The following LRCH1 variants were observed in gnomAD, a reference collection of about 807,000 sequenced individuals.
The protein encoded by LRCH1 is leucine-rich repeat and calponin homology domain-containing protein 1.
LRCH1 carries 23 observed loss-of-function variants against 94.9 expected under a neutral mutation model. The ratio of observed to expected loss-of-function variants is 0.24; its 90% CI spans 0.17 to 0.34. The LOEUF (loss-of-function observed/expected upper bound fraction) is 0.34, where lower values mean the gene tolerates loss of function less well. LRCH1 is among the 10% of genes least tolerant of loss of function. The probability of loss-of-function intolerance (pLI) is 1.00; values close to 1 mark genes in which losing one functional copy is unlikely to be tolerated. For synonymous variants in LRCH1, 364 were observed against 354.9 expected, an observed-to-expected ratio of 1.03 and a Z score of -0.29; for missense variants, 790 against 945.9, an observed-to-expected ratio of 0.84 and a Z score of 2.16.
intron 4 of LRCH1, among the ~76,000 whole-genome samples, chr13:46,682,708 G>A (rs1482723992): frequency 1.3e-5 from 2 of 152,134 alleles, no homozygotes; most frequent in Non-Finnish European, 2.9e-5. Flanking sequence ...GGTGGTCTTG[G>A]TAAGTTTCAC....
intron 3 of LRCH1, among the ~76,000 whole-genome samples, chr13:46,680,384 G>C (rs2051735066): frequency 6.6e-6 from 1 of 152,140 alleles, no homozygotes; most frequent in Non-Finnish European, 1.5e-5. Context: ...GGTTTAAAGG[G>C]GAATGTAAAC....
intron 8 of LRCH1, among the ~76,000 whole-genome samples, chr13:46,693,871 A>G (rs1871038634): frequency 6.6e-6 from 1 of 152,204 alleles, no homozygotes; most frequent in Non-Finnish European, 1.5e-5. Context: ...AACTGGATTA[A>G]TATACAGATC....
chr13:46,681,713 A>T, intron 3 of LRCH1, 28 bp from the exon 4 acceptor site: 1 of 1,464,880 alleles, frequency 6.8e-7, no homozygotes, highest in Non-Finnish European at 9.6e-7. Context: ...AAAGATGTTT[A>T]TTATTTCTCT....
chr13:46,710,514 A>G (rs908690140), intron 13 of LRCH1, among the ~76,000 whole-genome samples: 8 of 152,236 alleles, frequency 5.3e-5, no homozygotes. Context: ...CATGGCTCAT[A>G]CATAAATATC....
intron 16 of LRCH1, among the ~76,000 whole-genome samples, chr13:46,721,411 A>C (rs1379975002): frequency 1.3e-5 from 2 of 152,146 alleles, no homozygotes; most frequent in Non-Finnish European, 2.9e-5. Flanking sequence ...TTGGTGGTGC[A>C]AATTAGTTCT....
chr13:46,572,642 A>G (rs2050253372), intron 1 of LRCH1, among the ~76,000 whole-genome samples: 2 of 152,182 alleles, frequency 1.3e-5, no homozygotes, highest in Non-Finnish European at 1.5e-5. Flanking sequence ...GTGGAGTCAT[A>G]TGGAAGATAG....
rs7318773 is a variant in LRCH1, at chr13:46,634,812, G to C, written c.308-15389G>C. On this transcript the variant is annotated intron_variant, in intron 1 of 19. Coordinates refer to ENST00000389797, the MANE Select transcript of LRCH1 (RefSeq NM_001164211.2). ...ATTGATAGCAGACATCTATAAATGAGTGAGTAAGTGAGCCAACGTGTGGGT... is the reference window on the plus strand; with the variant it reads ...ATTGATAGCAGACATCTATAAATGACTGAGTAAGTGAGCCAACGTGTGGGT... Among the ~76,000 whole-genome samples, 3 of 151,948 alleles carry C rather than the reference G, an allele frequency of 2.0e-5. No individual in the cohort carries two copies. In the South Asian group the frequency reaches 6.2e-4, roughly 32 times the overall value.
intron 1 of LRCH1, among the ~76,000 whole-genome samples, chr13:46,647,811 T>C (rs1218680968): frequency 2.4e-5 from 3 of 126,496 alleles, no homozygotes; most frequent in Non-Finnish European, 5.1e-5. Context: ...TTTTTTTTTT[T>C]CGTTGTAAAT....
chr13:46,705,181 T>A, intron 12 of LRCH1, 24 bp downstream of exon 12: 1 of 1,593,612 alleles, frequency 6.3e-7, no homozygotes, highest in Non-Finnish European at 8.6e-7. Flanking sequence ...TTATAACAAA[T>A]TATGTTTTCT....
intron 4 of LRCH1, among the ~76,000 whole-genome samples, chr13:46,684,424 TTTTC>T (rs1870498280): frequency 6.6e-6 from 1 of 152,200 alleles, no homozygotes; most frequent in Non-Finnish European, 1.5e-5. Context: ...TACCTGTAAG[TTTTC>T]TCCTGCTATG....
At chr13:46,556,672 C>G (rs1484829642) in intron 1 of LRCH1, among the ~76,000 whole-genome samples, 1 of 152,120 alleles carries the variant, frequency 6.6e-6, no homozygotes, top group Non-Finnish European at 1.5e-5. Flanking sequence ...ACATAATATG[C>G]TGAAGATTAT....
chr13:46,671,985 G>A (rs573450459), intron 3 of LRCH1, among the ~76,000 whole-genome samples: 6 of 152,210 alleles, frequency 3.9e-5, no homozygotes, highest in African/African-American at 1.2e-4. Flanking sequence ...ACATTCTATC[G>A]GTTTGGGTAA....
intron 3 of LRCH1, among the ~76,000 whole-genome samples, chr13:46,674,668 T>C (rs1028483163): frequency 7.9e-5 from 12 of 152,258 alleles, no homozygotes; most frequent in Non-Finnish European, 1.8e-4. Context: ...TCACATTTAC[T>C]GAGCACCTGC....
intron 18 of LRCH1, among the ~76,000 whole-genome samples, chr13:46,732,967 T>G (rs1048258511): frequency 7.2e-5 from 11 of 152,222 alleles, no homozygotes; most frequent in Non-Finnish European, 1.6e-4. Context: ...ACAGACTCTG[T>G]TTTTGGCAGG....
At chr13:46,727,031 C>T (rs879462000) in intron 17 of LRCH1, among the ~76,000 whole-genome samples, 10 of 152,098 alleles carry the variant, frequency 6.6e-5, no homozygotes, top group Non-Finnish European at 1.0e-4. Context: ...CAGATGACAT[C>T]ACTGATATAG....
chr13:46,599,121 A>T (rs191208189), intron 1 of LRCH1, among the ~76,000 whole-genome samples: 1 of 152,222 alleles, frequency 6.6e-6, no homozygotes, highest in Admixed American at 6.5e-5. Flanking sequence ...GATTTTACTT[A>T]GCATTATATA....
chr13:46,568,847 T>C (rs996194664), intron 1 of LRCH1, among the ~76,000 whole-genome samples: 3 of 152,336 alleles, frequency 2.0e-5, no homozygotes, highest in Non-Finnish European at 4.4e-5. Context: ...TTTTACTGTA[T>C]GTAAATCATA....
intron 3 of LRCH1, among the ~76,000 whole-genome samples, chr13:46,676,575 C>G (rs1427514385): frequency 6.6e-6 from 1 of 152,102 alleles, no homozygotes; most frequent in African/African-American, 2.4e-5. Context: ...GCTTGCAGTT[C>G]CTGTCAGAAC....
intron 19 of LRCH1, among the ~76,000 whole-genome samples, chr13:46,738,962 C>T (rs577199988): frequency 2.0e-5 from 3 of 152,238 alleles, no homozygotes; most frequent in Non-Finnish European, 4.4e-5. Context: ...TATACCTCAT[C>T]GCTGAATTAT....
Sources: gnomAD v4.1 joint callset for allele counts (sites outside exome capture counted in the v4.1 genomes callset) on GRCh38, gnomAD v4.1.1 for gene constraint, MANE v1.5 for transcripts, NCBI Gene and HGNC (gene_info 2026-07-23, HGNC 2026-07-21) for gene names.